The following ADGRL2 variants were observed in gnomAD, a reference collection of about 807,000 sequenced individuals.
ADGRL2 encodes the protein adhesion G protein-coupled receptor L2.
In ADGRL2, 44 loss-of-function variants were observed where a neutral mutation model predicts 157.4. The observed-to-expected ratio is 0.28, with a 90% CI of 0.22 to 0.36. ADGRL2 has a LOEUF of 0.36. Ranked by LOEUF, ADGRL2 falls within the 10% of genes least tolerant of loss-of-function variation. ADGRL2 has a pLI of 1.00. For missense variants in ADGRL2, 1,510 were observed against 1,768.9 expected (o/e 0.85, Z 2.63); for synonymous variants, 585 against 624.7 (o/e 0.94, Z 0.95).
At chr1:81,317,834 CAT>C (rs1277097606) in intron 1 of ADGRL2, among the ~76,000 whole-genome samples, 3 of 151,972 alleles carry the variant, frequency 2.0e-5, no homozygotes, top group Non-Finnish European at 4.4e-5. Context: ...GTCTATGAAA[CAT>C]GTTATTTCAA....
chr1:81,986,483 G>A (rs751552838), intron 21 of ADGRL2, among the ~76,000 whole-genome samples: 68 of 151,908 alleles, frequency 4.5e-4, no homozygotes, highest in Non-Finnish European at 8.2e-4. Flanking sequence ...TTTTCATGAG[G>A]GATAATCCCA....
intron 13 of ADGRL2, 138 bp downstream of exon 13, chr1:81,966,747 T>C: frequency 1.4e-6 from 1 of 723,866 alleles, no homozygotes; most frequent in Non-Finnish European, 2.4e-6. Context: ...ATTTGAATTT[T>C]AAATGTTGGA....
intron 2 of ADGRL2, among the ~76,000 whole-genome samples, chr1:81,795,070 T>C (rs912945361): frequency 1.3e-5 from 2 of 152,198 alleles, no homozygotes; most frequent in Non-Finnish European, 2.9e-5. Flanking sequence ...TCTCATGTTA[T>C]ACAATGTTAT....
chr1:81,854,954 AATC>A (rs2093151599), intron 2 of ADGRL2, among the ~76,000 whole-genome samples: 1 of 152,194 alleles, frequency 6.6e-6, no homozygotes, highest in Admixed American at 6.6e-5. Context: ...GGTGAGAGAT[AATC>A]ATTGAAAAAT....
intron 1 of ADGRL2, among the ~76,000 whole-genome samples, chr1:81,309,065 A>G (rs1354437131): frequency 6.6e-6 from 1 of 152,136 alleles, no homozygotes; most frequent in Non-Finnish European, 1.5e-5. Flanking sequence ...ATGCTATGGA[A>G]GGTGTTAATA....
intron 5 of ADGRL2, 44 bp from the exon 6 acceptor site, chr1:81,942,925 T>C: frequency 6.8e-7 from 1 of 1,474,588 alleles, no homozygotes. Context: ...GCCTGTGTAA[T>C]TTTTTAACTT....
At chr1:81,402,188 G>A (rs1271804864) in intron 1 of ADGRL2, among the ~76,000 whole-genome samples, 1 of 152,112 alleles carries the variant, frequency 6.6e-6, no homozygotes, top group African/African-American at 2.4e-5. Context: ...ATACTGTGGG[G>A]TCCTGATAGG....
chr1:81,615,742 A>G (rs992637189), intron 3 of ADGRL2, among the ~76,000 whole-genome samples: 2 of 152,214 alleles, frequency 1.3e-5, no homozygotes, highest in Non-Finnish European at 2.9e-5. Context: ...ACTGCTCTGG[A>G]GACCACAGAA....
chr1:81,751,086 A>T (rs2149266426), intron 1 of ADGRL2, among the ~76,000 whole-genome samples: 1 of 152,320 alleles, frequency 6.6e-6, no homozygotes, highest in Non-Finnish European at 1.5e-5. Flanking sequence ...GAAGTATTAA[A>T]ACAATGCCAG....
chr1:81,942,118 TCC>T, intron 5 of ADGRL2, 73 bp downstream of exon 5: 1 of 629,586 alleles, frequency 1.6e-6, no homozygotes, highest in Non-Finnish European at 2.9e-6. Context: ...CCCTCCCCTC[TCC>T]CCACAACACT....
At chr1:81,755,967 C>T (rs1241223539) in intron 1 of ADGRL2, among the ~76,000 whole-genome samples, 1 of 152,094 alleles carries the variant, frequency 6.6e-6, no homozygotes, top group Non-Finnish European at 1.5e-5. Context: ...AATTAGGTTC[C>T]TCATTTTAAC....
chr1:81,718,068 C>G (rs12759040), intron 1 of ADGRL2, among the ~76,000 whole-genome samples: 24,679 of 152,126 alleles, frequency 0.16, 2,094 homozygotes, highest in South Asian at 0.23. Flanking sequence ...TGGCAAGGCT[C>G]GAGTGCAGTG....
intron 1 of ADGRL2, among the ~76,000 whole-genome samples, chr1:81,379,233 C>A (rs1264958672): frequency 1.3e-5 from 2 of 152,150 alleles, no homozygotes; most frequent in Non-Finnish European, 2.9e-5. Flanking sequence ...TTCTTCAGTG[C>A]TCCGCTGCTC....
intron 3 of ADGRL2, among the ~76,000 whole-genome samples, chr1:81,598,361 AAAGAGAGTAGGT>A (rs1279208710): frequency 6.6e-6 from 1 of 152,180 alleles, no homozygotes; most frequent in Non-Finnish European, 1.5e-5. Context: ...GTAGGTTAGG[AAAGAGAGTAGGT>A]AAGAGAGAAT....
At chr1:81,512,616 C>T in intron 2 of ADGRL2, among the ~76,000 whole-genome samples, 1 of 152,004 alleles carries the variant, frequency 6.6e-6, no homozygotes, top group East Asian at 1.9e-4. Context: ...GAAGTGACAC[C>T]AATGTGACTT....
chr1:81,589,364 C>A (rs1195636577), intron 3 of ADGRL2, among the ~76,000 whole-genome samples: 1 of 152,154 alleles, frequency 6.6e-6, no homozygotes, highest in African/African-American at 2.4e-5. Context: ...ACTCACATAA[C>A]CCTGGGACAA....
At chr1:81,542,288 C>A (rs1366406153) in intron 2 of ADGRL2, among the ~76,000 whole-genome samples, 1 of 152,132 alleles carries the variant, frequency 6.6e-6, no homozygotes, top group Non-Finnish European at 1.5e-5. Context: ...TAAAAGGATG[C>A]CAGAGGCCTA....
intron 1 of ADGRL2, among the ~76,000 whole-genome samples, chr1:81,725,912 G>A (rs903502207): frequency 1.3e-5 from 2 of 152,146 alleles, no homozygotes; most frequent in African/African-American, 4.8e-5. Context: ...GAACCTGGGA[G>A]GCGGAGGTTG....
chr1:81,667,061 G>A (rs1396270234), intron 3 of ADGRL2, among the ~76,000 whole-genome samples: 1 of 152,088 alleles, frequency 6.6e-6, no homozygotes, highest in Non-Finnish European at 1.5e-5. Flanking sequence ...TACCTACTTG[G>A]TTCTTTATAA....
Sources: gnomAD v4.1 joint callset for allele counts (sites outside exome capture counted in the v4.1 genomes callset) on GRCh38, gnomAD v4.1.1 for gene constraint, MANE v1.5 for transcripts, NCBI Gene and HGNC (gene_info 2026-07-23, HGNC 2026-07-21) for gene names.